The following CACNG3 variants were observed in gnomAD, a reference collection of about 807,000 sequenced individuals.
The protein encoded by CACNG3 is voltage-dependent calcium channel gamma-3 subunit.
CACNG3 carries 3 observed loss-of-function variants against 28.5 expected under a neutral mutation model. That is an observed-to-expected ratio of 0.11 (90% CI 0.05 to 0.27). CACNG3 has a LOEUF of 0.27. Ranked by LOEUF, CACNG3 falls within the 10% of genes least tolerant of loss-of-function variation. The pLI, the probability that CACNG3 is intolerant of heterozygous loss-of-function variation, is 1.00. For missense variants in CACNG3, 236 were observed against 414.4 expected, an observed-to-expected ratio of 0.57 and a Z score of 3.74; for synonymous variants, 174 against 162.2, an observed-to-expected ratio of 1.07 and a Z score of -0.55.
intron 1 of CACNG3, among the ~76,000 whole-genome samples, chr16:24,328,923 C>T (rs1899596271): frequency 6.6e-6 from 1 of 152,188 alleles, no homozygotes; most frequent in Admixed American, 6.5e-5. Flanking sequence ...TACACACATA[C>T]ACCCTTTCGT....
chr16:24,346,623 TACAGCCCCCA>T (rs1899871125), intron 1 of CACNG3, 101 bp from the exon 2 acceptor site: 1 of 728,974 alleles, frequency 1.4e-6, no homozygotes, highest in Admixed American at 2.3e-5. Flanking sequence ...CCAACAACCC[TACAGCCCCCA>T]ACAACCAGAG....
chr16:24,260,606 G>C (rs950449760), intron 1 of CACNG3, among the ~76,000 whole-genome samples: 4 of 152,166 alleles, frequency 2.6e-5, no homozygotes, highest in Non-Finnish European at 4.4e-5. Flanking sequence ...CCTGCTACTG[G>C]TACAAACATT....
At chr16:24,324,131 G>T (rs151139317) in intron 1 of CACNG3, among the ~76,000 whole-genome samples, 1 of 152,070 alleles carries the variant, frequency 6.6e-6, no homozygotes, top group Non-Finnish European at 1.5e-5. Context: ...CAACAATAAA[G>T]CCTGTTAGAA....
At chr16:24,351,491 G>A (rs1899937443) in intron 2 of CACNG3, among the ~76,000 whole-genome samples, 2 of 151,612 alleles carry the variant, frequency 1.3e-5, no homozygotes, top group South Asian at 4.2e-4. Context: ...AGAATTGCTT[G>A]AACTCGGGTG....
chr16:24,359,656 G>T (rs1215410485), intron 3 of CACNG3, among the ~76,000 whole-genome samples: 5 of 151,832 alleles, frequency 3.3e-5, no homozygotes, highest in Non-Finnish European at 7.4e-5. Context: ...GAGGCCAGGA[G>T]TTCAAAACCA....
chr16:24,334,105 A>T (rs1293618066), intron 1 of CACNG3, among the ~76,000 whole-genome samples: 1 of 152,170 alleles, frequency 6.6e-6, no homozygotes, highest in African/African-American at 2.4e-5. Context: ...CATAAACACA[A>T]ATGATATTTG....
Position 24,352,165 on chromosome 16 carries a change from C to T in CACNG3, c.296-2668C>T, listed in dbSNP as rs961736679. Among the ~76,000 whole-genome samples, 10 of 152,148 alleles carry T rather than the reference C, an allele frequency of 6.6e-5. No individual in the cohort carries two copies. The East Asian group carries it at 1.2e-3, about 18-fold the overall frequency. On this transcript the variant is annotated intron_variant, in intron 2 of 3. Transcript: ENST00000005284. ...AAAACTGAAAACACAAACAAGCAAA[C>T]GAATGAAAGTGCAGTACCAAATGAA...
chr16:24,319,401 T>C (rs888537405), intron 1 of CACNG3, among the ~76,000 whole-genome samples: 6 of 152,198 alleles, frequency 3.9e-5, no homozygotes, highest in Admixed American at 6.5e-5. Context: ...GCTGGGAAGA[T>C]GTCCTCGTAA....
rs1239763846 is a variant in CACNG3, at chr16:24,256,803, G to A, written c.49G>A (p.Ala17Thr). ...GIQMLITTVG[A>T]FAAFSLMTIA... ...CCAGATGTTGATCACCACTGTAGGAGCCTTTGCCGCTTTTAGTTTAATGAC... is the reference window on the plus strand; with the variant it reads ...CCAGATGTTGATCACCACTGTAGGAACCTTTGCCGCTTTTAGTTTAATGAC... The change falls in exon 1 of 4, where the codon GCC (alanine) becomes ACC (threonine). Residue 17 changes from alanine (A) to threonine (T), a missense_variant. Physicochemically the swap from Ala to Thr is moderately conservative, Grantham distance 58 (BLOSUM62 0). Coordinates refer to ENST00000005284, the MANE Select transcript of CACNG3 (RefSeq NM_006539.4). The surrounding 1 kb of genome is among the most constrained non-coding windows in gnomAD (Gnocchi z 4.6). 1 of 1,614,076 alleles carries A rather than the reference G, an allele frequency of 6.2e-7. No homozygotes were observed. Among genetic ancestry groups the A allele is most frequent in the Non-Finnish European group, 8.5e-7 (1 of 1,179,912 alleles).
intron 1 of CACNG3, among the ~76,000 whole-genome samples, chr16:24,265,688 T>C (rs1253527095): frequency 1.3e-5 from 2 of 152,184 alleles, no homozygotes; most frequent in African/African-American, 4.8e-5. Flanking sequence ...AAAAATTAAG[T>C]AATATCCAAT....
chr16:24,294,020 G>A (rs892853357), intron 1 of CACNG3, among the ~76,000 whole-genome samples: 1 of 152,130 alleles, frequency 6.6e-6, no homozygotes, highest in African/African-American at 2.4e-5. Context: ...CTGCAAGAAT[G>A]TGTTTTCATA....
intron 1 of CACNG3, among the ~76,000 whole-genome samples, chr16:24,330,091 A>G (rs2189292): frequency 0.76 from 115,511 of 152,176 alleles, 43,986 homozygotes; most frequent in Middle Eastern, 0.86. Flanking sequence ...TGGTAATGAG[A>G]CATAAGTTAA....
At chr16:24,344,410 GA>G (rs11397837) in intron 1 of CACNG3, among the ~76,000 whole-genome samples, 98,111 of 146,190 alleles carry the variant, frequency 0.67, 33,790 homozygotes, top group Non-Finnish European at 0.76. Context: ...CTCAGTCTCA[GA>G]AAAAAAAAAA....
chr16:24,274,195 A>C (rs893252727), intron 1 of CACNG3, among the ~76,000 whole-genome samples: 12 of 146,976 alleles, frequency 8.2e-5, no homozygotes, highest in East Asian at 4.4e-4. Flanking sequence ...TCAAAAAAAA[A>C]AAAAACAAAA....
intron 1 of CACNG3, among the ~76,000 whole-genome samples, chr16:24,273,635 A>C (rs1762521800): frequency 6.6e-6 from 1 of 152,214 alleles, no homozygotes; most frequent in South Asian, 2.1e-4. Flanking sequence ...GATAATGTTC[A>C]TTGTGAAGCT....
At position 24,256,811 on chromosome 16, in the gene CACNG3, C is replaced by A. The variant is rs762648569; in HGVS notation, c.57C>A (p.Ala19=). The part of the protein sequence containing the change: ...QMLITTVGAF[A]AFSLMTIAVG... ...TGATCACCACTGTAGGAGCCTTTGCCGCTTTTAGTTTAATGACCATTGCAG... is the reference window on the plus strand; with the variant it reads ...TGATCACCACTGTAGGAGCCTTTGCAGCTTTTAGTTTAATGACCATTGCAG... Residue 19 remains alanine (A), a synonymous_variant, in exon 1 of 4, where the codon GCC becomes GCA. Coordinates refer to ENST00000005284, the MANE Select transcript of CACNG3 (RefSeq NM_006539.4). The surrounding 1 kb of genome is among the most constrained non-coding windows in gnomAD (Gnocchi z 4.6). 1.9e-6 allele frequency: 3 copies of A among 1,613,910 alleles called. No homozygotes were observed. In the South Asian group the frequency reaches 3.3e-5, roughly 18 times the overall value.
chr16:24,317,624 A>AGAC (rs1899383251), intron 1 of CACNG3, among the ~76,000 whole-genome samples: 5 of 56,644 alleles, frequency 8.8e-5, no homozygotes, highest in East Asian at 4.6e-4. Flanking sequence ...GAAAGAAAGA[A>AGAC]AGACAGACAG....
chr16:24,354,848 C>G lies in CACNG3; in HGVS notation c.311C>G (p.Ser104Cys), dbSNP rs1413362855. The change falls in exon 3 of 4, where the codon TCC becomes TGC. Residue 104 changes from serine to cysteine, a missense_variant. Physicochemically the swap from Ser to Cys is moderately radical, Grantham distance 112. This residue lies in a region of CACNG3 where 120 missense variants were observed against 263.4 expected (regional missense o/e 0.46). Transcript: ENST00000005284. ...CTCTCCGCAGGAGCTGTGAGGGCCT[C>G]CAGTGTCTTCCCCATCCTCAGTGTC... ...AEYLLRAVRA[S>C]SVFPILSVTL... 6.2e-7 allele frequency: 1 copy of G among 1,612,190 alleles called. No individual in the cohort carries two copies. The highest frequency in any genetic ancestry group is 2.2e-5 in the East Asian group (1 of 44,880).
At chr16:24,327,461 C>T (rs62026760) in intron 1 of CACNG3, among the ~76,000 whole-genome samples, 2 of 112,760 alleles carry the variant, frequency 1.8e-5, no homozygotes, top group African/African-American at 7.2e-5. Context: ...TATATACACA[C>T]ACACACACAC....
Sources: gnomAD v4.1 joint callset for allele counts (sites outside exome capture counted in the v4.1 genomes callset) on GRCh38, gnomAD v4.1.1 for gene constraint, gnomAD v4.1.1 regional missense constraint, Gnocchi (gnomAD v3.1) non-coding constraint, MANE v1.5 for transcripts, NCBI Gene and HGNC (gene_info 2026-07-23, HGNC 2026-07-21) for gene names.